UTRN: variants seen among roughly 807,000 people sequenced by gnomAD.
UTRN encodes dystrophin-related protein 1.
Under a neutral mutation model 463.9 loss-of-function variants are expected in UTRN, and 283 were observed. That is an observed-to-expected ratio of 0.61 (90% CI 0.55 to 0.67). The LOEUF is 0.67. Ranked by LOEUF, UTRN falls within the 30% of genes least tolerant of loss-of-function variation. The pLI, the probability that UTRN is intolerant of heterozygous loss-of-function variation, is 0.00. For missense variants in UTRN, 3,922 were observed against 4,084.3 expected, an observed-to-expected ratio of 0.96 and a Z score of 1.08; for synonymous variants, 1,442 against 1,431.5, an observed-to-expected ratio of 1.01 and a Z score of -0.17.
At chr6:144,423,010 C>G (rs946760303) in intron 4 of UTRN, among the ~76,000 whole-genome samples, 1 of 152,208 alleles carries the variant, frequency 6.6e-6, no homozygotes, top group Non-Finnish European at 1.5e-5. Context: ...GAATTCCCTG[C>G]CTTCCGAGGG....
intron 23 of UTRN, among the ~76,000 whole-genome samples, chr6:144,468,592 ATGTG>A (rs1002248406): frequency 2.7e-4 from 39 of 146,504 alleles, no homozygotes; most frequent in African/African-American, 6.7e-4. Flanking sequence ...CCTTAAAGAA[ATGTG>A]TGTGTGTGTG....
In UTRN at chr6:144,670,927, C is replaced by T. The variant is rs182337029; in HGVS notation, c.7480-7479C>T. 4.3e-4 allele frequency among the ~76,000 whole-genome samples: 66 copies of T among 152,106 alleles called. 2 individuals are homozygous for T. Among genetic ancestry groups the T allele is most frequent in the African/African-American group, 1.4e-3 (60 of 41,544 alleles). On this transcript the variant is annotated intron_variant, in intron 51 of 74. Transcript: ENST00000367545. ...CACTTTATGCTTGTGTTTGCTTTGT[C>T]GAAAATCAGTTGTCTGTATGTATTT...
At chr6:144,565,578 C>G (rs527827087) in intron 50 of UTRN, among the ~76,000 whole-genome samples, 1 of 152,126 alleles carries the variant, frequency 6.6e-6, no homozygotes, top group South Asian at 2.1e-4. Context: ...TGAAAAAACG[C>G]AGATTTGTCA....
intron 58 of UTRN, among the ~76,000 whole-genome samples, chr6:144,768,964 T>TTTTTTTTTTTTTTTTTTTTTG (rs1562884837): frequency 2.7e-5 from 4 of 148,134 alleles, no homozygotes; most frequent in African/African-American, 1.0e-4. Flanking sequence ...TTTTGTTTTT[T>TTTTTTTTTTTTTTTTTTTTTG]TTTTTTTAAT....
intron 52 of UTRN, among the ~76,000 whole-genome samples, chr6:144,681,252 G>T (rs1562756988): frequency 6.6e-6 from 1 of 152,164 alleles, no homozygotes; most frequent in Non-Finnish European, 1.5e-5. Flanking sequence ...GGGAGGCGGT[G>T]TCCAGAGACA....
chr6:144,751,759 T>C (rs1181620042), intron 55 of UTRN, 47 bp from the exon 56 acceptor site: 3 of 1,529,184 alleles, frequency 2.0e-6, no homozygotes, highest in East Asian at 2.3e-5. Context: ...GTATTAGCTT[T>C]TGTTATATTC....
intron 51 of UTRN, among the ~76,000 whole-genome samples, chr6:144,580,168 T>C (rs1304944783): frequency 6.6e-6 from 1 of 152,144 alleles, no homozygotes; most frequent in Non-Finnish European, 1.5e-5. Flanking sequence ...AGAAAATGAC[T>C]GTACAGAAGC....
At chr6:144,423,303 A>G (rs1411979716) in intron 4 of UTRN, among the ~76,000 whole-genome samples, 2 of 152,168 alleles carry the variant, frequency 1.3e-5, no homozygotes, top group East Asian at 1.9e-4. Context: ...GTTTTTATGA[A>G]GCTGCCTAGG....
At chr6:144,545,269 C>G (rs1455367056) in intron 46 of UTRN, among the ~76,000 whole-genome samples, 5 of 152,194 alleles carry the variant, frequency 3.3e-5, no homozygotes, top group African/African-American at 1.2e-4. Context: ...TTCTCCATGA[C>G]CTATTCCTCT....
chr6:144,683,543 G>C (rs1435010951), intron 52 of UTRN, among the ~76,000 whole-genome samples: 1 of 152,120 alleles, frequency 6.6e-6, no homozygotes, highest in South Asian at 2.1e-4. Context: ...CTACTTCTCT[G>C]TTCTTTCCTC....
At chr6:144,371,177 G>A (rs1461150005) in intron 2 of UTRN, among the ~76,000 whole-genome samples, 1 of 152,168 alleles carries the variant, frequency 6.6e-6, no homozygotes, top group Non-Finnish European at 1.5e-5. Flanking sequence ...ATTTACTAAC[G>A]TGAGTATTAA....
At chr6:144,456,349 A>G (rs900714158) in intron 19 of UTRN, among the ~76,000 whole-genome samples, 1 of 152,162 alleles carries the variant, frequency 6.6e-6, no homozygotes, top group Admixed American at 6.5e-5. Flanking sequence ...CATAGAAACA[A>G]TTTTAGAAAA....
intron 69 of UTRN, among the ~76,000 whole-genome samples, chr6:144,832,423 G>A (rs1780746698): frequency 1.3e-5 from 2 of 152,200 alleles, no homozygotes; most frequent in South Asian, 2.1e-4. Flanking sequence ...CCCCAGAGAA[G>A]TGAATCTATA....
At chr6:144,791,568 TAA>T (rs79194006) in intron 62 of UTRN, among the ~76,000 whole-genome samples, 43 of 141,456 alleles carry the variant, frequency 3.0e-4, no homozygotes, top group Admixed American at 9.0e-4. Flanking sequence ...AGCGAGACCT[TAA>T]AAAAAAAAAA....
Position 144,479,989 on chromosome 6 carries a change from C to T in UTRN, c.3507+7C>T, listed in dbSNP as rs766895366. 8.1e-6 allele frequency: 13 copies of T among 1,612,042 alleles called. No individual in the cohort carries two copies. In the South Asian group the frequency reaches 8.8e-5, roughly 11 times the overall value. On this transcript the variant is annotated splice_region_variant and intron_variant, in intron 26 of 74. Coordinates refer to ENST00000367545, the MANE Select transcript of UTRN (RefSeq NM_007124.3). ...TGCTGTGGAAGAGATGAAGGTGAGG[C>T]GGGGACGACCAGTGCCAACAGGCTT...
intron 51 of UTRN, among the ~76,000 whole-genome samples, chr6:144,579,627 T>A (rs2128625814): frequency 6.6e-6 from 1 of 152,322 alleles, no homozygotes; most frequent in Middle Eastern, 3.4e-3. Flanking sequence ...ATAGAAATGT[T>A]TAAAATCTTT....
chr6:144,733,874 A>G (rs1438795237), intron 54 of UTRN, among the ~76,000 whole-genome samples: 1 of 152,130 alleles, frequency 6.6e-6, no homozygotes, highest in African/African-American at 2.4e-5. Context: ...TATTGTTTGT[A>G]TTGATTTTCA....
intron 2 of UTRN, among the ~76,000 whole-genome samples, chr6:144,312,354 G>A (rs1774989295): frequency 6.6e-6 from 1 of 151,738 alleles, no homozygotes; most frequent in African/African-American, 2.4e-5. Flanking sequence ...AACCCAGGAG[G>A]CGGAGCTTGC....
intron 51 of UTRN, among the ~76,000 whole-genome samples, chr6:144,659,674 CT>C (rs142531413): frequency 0.013 from 2,036 of 151,558 alleles, 42 homozygotes; most frequent in African/African-American, 0.047. Context: ...CCTTCGAACT[CT>C]ACATAAGTCA....
Sources: allele counts gnomAD v4.1 joint callset (sites outside exome capture counted in the v4.1 genomes callset), GRCh38; gene constraint gnomAD v4.1.1; transcripts MANE v1.5; gene names NCBI Gene and HGNC (gene_info 2026-07-23, HGNC 2026-07-21).